Variants in MARCHF11 observed in about 807,000 individuals in gnomAD.
MARCHF11 encodes the protein E3 ubiquitin-protein ligase MARCHF11.
In MARCHF11, 29 loss-of-function variants were observed where a neutral mutation model predicts 37.3. The observed-to-expected ratio is 0.78, with a 90% CI of 0.58 to 1.06. The LOEUF is 1.06. MARCHF11 is among the 50% of genes least tolerant of loss of function. The pLI is 0.00. For synonymous variants in MARCHF11, 233 were observed against 228.0 expected (o/e 1.02, Z -0.20); for missense variants, 482 against 533.4 (o/e 0.90, Z 0.95).
rs543576419 is a variant in MARCHF11 at position 16,095,559 on chromosome 5, G to T, written c.694-4478C>A. On this transcript the variant is annotated intron_variant, in intron 2 of 3. Coordinates refer to ENST00000332432, the MANE Select transcript of MARCHF11 (RefSeq NM_001102562.3). Reference sequence around the variant, plus strand: ...TTCTTTTTATTCTCCCAAATGCACTGTTTACTTTGGTCCCTCTGTGTCTTT... The same window carrying T: ...TTCTTTTTATTCTCCCAAATGCACTTTTTACTTTGGTCCCTCTGTGTCTTT... Among the ~76,000 whole-genome samples, 21 of 152,186 alleles carry T rather than the reference G, an allele frequency of 1.4e-4. No homozygotes were observed. In the East Asian group the frequency reaches 3.5e-3, roughly 25 times the overall value.
At chr5:16,114,284 A>T (rs1737195997) in intron 2 of MARCHF11, among the ~76,000 whole-genome samples, 2 of 152,186 alleles carry the variant, frequency 1.3e-5, no homozygotes, top group South Asian at 4.1e-4. Context: ...TATCGAGAGT[A>T]TTTTATTTTC....
intron 3 of MARCHF11, among the ~76,000 whole-genome samples, chr5:16,082,505 A>G (rs1170470362): frequency 6.6e-6 from 1 of 152,142 alleles, no homozygotes; most frequent in Admixed American, 6.5e-5. Context: ...AGGGAAACTC[A>G]CAGGGGTTTG....
Position 16,067,753 on chromosome 5 carries a change from A to C in MARCHF11, c.927T>G (p.Phe309Leu). ...GCAAATTCACAGCTCGCCAGCGCTT[A>C]AACACTCTGTAAACTGCAGCTCCTT... ...VHEGAAVYRV[F>L]KRWRAVNLHW... The change falls in exon 4 of 4, where the codon TTT becomes TTG. Residue 309 changes from phenylalanine (F) to leucine (L), a missense_variant. Transcript: ENST00000332432. 1 of 1,613,806 alleles carries C rather than the reference A, an allele frequency of 6.2e-7. No individual in the cohort carries two copies. The highest frequency in any genetic ancestry group is 8.5e-7 in the Non-Finnish European group (1 of 1,179,820).
chr5:16,120,054 C>T (rs1737287627), intron 2 of MARCHF11, among the ~76,000 whole-genome samples: 1 of 152,210 alleles, frequency 6.6e-6, no homozygotes, highest in Admixed American at 6.5e-5. Flanking sequence ...AGGCCAGGAA[C>T]AGCCCGGAGC....
At chr5:16,163,375 TA>T (rs562094169) in intron 2 of MARCHF11, among the ~76,000 whole-genome samples, 59 of 151,888 alleles carry the variant, frequency 3.9e-4, no homozygotes, top group Admixed American at 2.0e-4. Flanking sequence ...ATCTAGGGAT[TA>T]AAAAAAACAT....
intron 2 of MARCHF11, among the ~76,000 whole-genome samples, chr5:16,135,007 C>G (rs549019576): frequency 3.9e-5 from 6 of 152,014 alleles, no homozygotes; most frequent in African/African-American, 1.4e-4. Context: ...CTCACACACA[C>G]ACACACACAC....
intron 2 of MARCHF11, among the ~76,000 whole-genome samples, chr5:16,140,330 C>T (rs1446017): frequency 0.27 from 41,545 of 151,916 alleles, 7,113 homozygotes; most frequent in African/African-American, 0.49. Flanking sequence ...AATATAGAAA[C>T]AACCACAGAT....
intron 2 of MARCHF11, among the ~76,000 whole-genome samples, chr5:16,126,132 C>T (rs886764860): frequency 3.3e-5 from 5 of 152,096 alleles, no homozygotes; most frequent in Non-Finnish European, 5.9e-5. Context: ...AGTACTGTAA[C>T]CTAGTACAGT....
At chr5:16,125,859 A>G (rs1336225595) in intron 2 of MARCHF11, among the ~76,000 whole-genome samples, 1 of 152,198 alleles carries the variant, frequency 6.6e-6, no homozygotes, top group Non-Finnish European at 1.5e-5. Context: ...GTAGGTGTGC[A>G]AAGTAAGCTG....
In MARCHF11 at chr5:16,154,064, G is replaced by A. The variant is rs571071575; in HGVS notation, c.693+23662C>T. On this transcript the variant is annotated intron_variant, in intron 2 of 3. Coordinates refer to ENST00000332432, the MANE Select transcript of MARCHF11 (RefSeq NM_001102562.3). ...ATAACACAGAGCACTTCACAGCCGT[G>A]GCGCACCTTACCTGATACTGTTATG... 3.3e-5 allele frequency among the ~76,000 whole-genome samples: 5 copies of A among 151,878 alleles called. No individual in the cohort carries two copies. The South Asian group carries it at 1.0e-3, about 32-fold the overall frequency.
chr5:16,124,792 TA>T lies in MARCHF11; in HGVS notation c.694-33712del, dbSNP rs764002443. Among the ~76,000 whole-genome samples, 41 of 143,150 alleles carry T rather than the reference TA, an allele frequency of 2.9e-4. 1 individual carries two copies. The highest frequency in any genetic ancestry group is 2.4e-4 in the Non-Finnish European group (15 of 62,086). The allele number at this position is 143,150 out of a possible 152,430, so 93.9% of individuals were successfully genotyped here. A position where few individuals can be genotyped will look rare whatever the true frequency, so the allele number is the denominator to read the frequency against. On this transcript the variant is annotated intron_variant, in intron 2 of 3. Transcript: ENST00000332432. The stretch of plus-strand genomic sequence containing the variant: ...CATTCAGTCACCAATTCAGGACAAT[TA>T]AAACCTCAAGATAAAATCTGAATTT...
At chr5:16,159,272 C>T (rs184176796) in intron 2 of MARCHF11, among the ~76,000 whole-genome samples, 12 of 152,086 alleles carry the variant, frequency 7.9e-5, no homozygotes, top group African/African-American at 2.6e-4. Flanking sequence ...AAGTCAGTTT[C>T]AGAAGCCCCA....
intron 2 of MARCHF11, among the ~76,000 whole-genome samples, chr5:16,133,994 T>C (rs1737565061): frequency 6.6e-6 from 1 of 152,086 alleles, no homozygotes; most frequent in Non-Finnish European, 1.5e-5. Flanking sequence ...TTCAGAAAAT[T>C]TTCAGAAGAA....
At position 16,101,362 on chromosome 5, in the gene MARCHF11, C is replaced by G. The variant is rs566960158; in HGVS notation, c.694-10281G>C. Reference sequence around the variant, plus strand: ...CTGCACTCCAGCCTGGGCAACAGAGCGAGACTCCATCTCAAAAAAAAAATG... The same window carrying G: ...CTGCACTCCAGCCTGGGCAACAGAGGGAGACTCCATCTCAAAAAAAAAATG... On this transcript the variant is annotated intron_variant, in intron 2 of 3. Coordinates refer to ENST00000332432, the MANE Select transcript of MARCHF11 (RefSeq NM_001102562.3). Among the ~76,000 whole-genome samples the G allele has an allele frequency of 4.6e-5, 7 of 152,156 alleles. No homozygotes were observed. In the South Asian group the frequency reaches 8.3e-4, roughly 18 times the overall value.
intron 2 of MARCHF11, among the ~76,000 whole-genome samples, chr5:16,135,480 G>T (rs1737592624): frequency 6.6e-6 from 1 of 152,006 alleles, no homozygotes; most frequent in Non-Finnish European, 1.5e-5. Context: ...CACCCTATTG[G>T]CCATCTACAG....
intron 2 of MARCHF11, among the ~76,000 whole-genome samples, chr5:16,156,548 T>C (rs1208134298): frequency 6.6e-6 from 1 of 151,944 alleles, no homozygotes; most frequent in African/African-American, 2.4e-5. Context: ...GGTATGTTAA[T>C]GTGAGCATGT....
chr5:16,127,834 C>T (rs1040343132), intron 2 of MARCHF11, among the ~76,000 whole-genome samples: 3 of 152,182 alleles, frequency 2.0e-5, no homozygotes, highest in Admixed American at 6.5e-5. Context: ...GATCTGCCCG[C>T]CCCTCTGGCT....
Position 16,100,714 on chromosome 5 carries a change from CCTGT to C in MARCHF11, c.694-9637_694-9634del, listed in dbSNP as rs1383320774. On this transcript the variant is annotated intron_variant, in intron 2 of 3. Coordinates refer to ENST00000332432, the MANE Select transcript of MARCHF11 (RefSeq NM_001102562.3). ...TGAATCCTGTTTCCAGAATCTCCTACCTGTCTGTCTCCATTCACAGGAGGAAGGT... is the reference window on the plus strand; with the variant it reads ...TGAATCCTGTTTCCAGAATCTCCTACCTGTCTCCATTCACAGGAGGAAGGT... Among the ~76,000 whole-genome samples the C allele has an allele frequency of 1.3e-5, 2 of 152,160 alleles. 1 individual carries two copies. Among genetic ancestry groups the C allele is most frequent in the Non-Finnish European group, 2.9e-5 (2 of 68,038 alleles).
chr5:16,080,693 T>A (rs1039901085), intron 3 of MARCHF11, among the ~76,000 whole-genome samples: 24 of 152,166 alleles, frequency 1.6e-4, no homozygotes, highest in Admixed American at 1.5e-3. Context: ...CCATCCTGCC[T>A]CCATCCAGCT....
Sources: allele counts gnomAD v4.1 joint callset (sites outside exome capture counted in the v4.1 genomes callset), GRCh38; gene constraint gnomAD v4.1.1; transcripts MANE v1.5; gene names NCBI Gene and HGNC (gene_info 2026-07-23, HGNC 2026-07-21).